Variants in SPTA1 observed in about 807,000 individuals in gnomAD.
SPTA1 encodes spectrin alpha, erythrocytic 1.
In SPTA1, 177 loss-of-function variants were observed where a neutral mutation model predicts 324.7. The observed-to-expected ratio is 0.55, with a 90% CI of 0.48 to 0.62. SPTA1 has a LOEUF of 0.62. Ranked by LOEUF, SPTA1 falls within the 20% of genes least tolerant of loss-of-function variation. SPTA1 has a pLI of 0.00. For missense variants in SPTA1, 3,162 were observed against 2,883.6 expected, an observed-to-expected ratio of 1.10 and a Z score of -2.21; for synonymous variants, 1,195 against 1,041.3, an observed-to-expected ratio of 1.15 and a Z score of -2.84.
In SPTA1 at chr1:158,639,754, GCTATGTCCC is replaced by G. The variant is rs1220404712; in HGVS notation, c.4876-77_4876-69del. On this transcript the variant is annotated intron_variant, in intron 34 of 51. Coordinates refer to ENST00000643759, the MANE Select transcript of SPTA1 (RefSeq NM_003126.4). ...GCCTTTAAGGAGAATAAGATCAGCA[GCTATGTCCC>G]CAAACTTTTCCCAGGAAAATTCAAG... is the stretch of plus-strand genomic sequence containing the variant. The G allele has an allele frequency of 1.9e-6, 3 of 1,611,132 alleles. No homozygotes were observed. In the Admixed American group the frequency reaches 5.0e-5, roughly 27 times the overall value.
At chr1:158,654,131 A>G (rs577567193) in intron 21 of SPTA1, among the ~76,000 whole-genome samples, 77 of 152,336 alleles carry the variant, frequency 5.1e-4, no homozygotes, top group African/African-American at 1.5e-3. Context: ...TATGAAAAAT[A>G]TATTTAAAAA....
intron 39 of SPTA1, 29 bp from the exon 40 acceptor site, chr1:158,627,752 A>G (rs1650372881): frequency 6.2e-7 from 1 of 1,600,572 alleles, no homozygotes; most frequent in Admixed American, 1.7e-5. Context: ...GAGAATTAAG[A>G]TATCCAAAGC....
chr1:158,641,574 G>T (rs1195023849), intron 33 of SPTA1, among the ~76,000 whole-genome samples: 1 of 152,150 alleles, frequency 6.6e-6, no homozygotes, highest in East Asian at 1.9e-4. Flanking sequence ...CATCATCACT[G>T]GTCATCAGAG....
intron 44 of SPTA1, among the ~76,000 whole-genome samples, 175 bp from the exon 45 acceptor site, chr1:158,619,509 T>C (rs1356224137): frequency 2.0e-5 from 3 of 152,190 alleles, no homozygotes; most frequent in African/African-American, 7.2e-5. Flanking sequence ...ACCTCTAAAA[T>C]GTAAAGATAG....
chr1:158,638,455 A>G (rs1434162574), intron 35 of SPTA1, among the ~76,000 whole-genome samples: 8 of 152,126 alleles, frequency 5.3e-5, no homozygotes, highest in African/African-American at 1.9e-4. Flanking sequence ...CATTACTCAA[A>G]CTGTACATTT....
At position 158,642,824 on chromosome 1, in the gene SPTA1, G is replaced by C. The variant is rs756379601; in HGVS notation, c.4595C>G (p.Thr1532Ser). 3.1e-6 allele frequency: 5 copies of C among 1,613,892 alleles called. No individual in the cohort carries two copies. Among genetic ancestry groups the C allele is most frequent in the Admixed American group, 3.3e-5 (2 of 59,986 alleles). The stretch of plus-strand genomic sequence containing the variant: ...CTATTTTGAACTTGCCTGAATGTTA[G>C]TGGCGTCTTTGTAGGATTCATCACA... The part of the protein sequence containing the change: ...TACDESYKDA[T>S]NIQRKYLKHQ... Residue 1532 changes from threonine (T) to serine (S), a missense_variant, in exon 32 of 52, where the codon ACT becomes AGT. Transcript: ENST00000643759.
In SPTA1 at chr1:158,656,544, C is replaced by A; in HGVS notation, c.2898+20G>T. 2 of 1,603,136 alleles carry A rather than the reference C, an allele frequency of 1.2e-6. No individual in the cohort carries two copies. The highest frequency in any genetic ancestry group is 1.7e-6 in the Non-Finnish European group (2 of 1,170,566). On this transcript the variant is annotated intron_variant, in intron 20 of 51. Coordinates refer to ENST00000643759, the MANE Select transcript of SPTA1 (RefSeq NM_003126.4). ...TTGTGGTGGGAAGTGTGAATCCTGT[C>A]ATCGCTAAGTTAGTCTTACCTGGCA... is the stretch of plus-strand genomic sequence containing the variant.
chr1:158,645,488 G>C lies in SPTA1; in HGVS notation c.3996+7C>G, dbSNP rs754662601. On this transcript the variant is annotated splice_region_variant and intron_variant, in intron 28 of 51. Coordinates refer to ENST00000643759, the MANE Select transcript of SPTA1 (RefSeq NM_003126.4). ...GTGATCAGTGGCTGTGACTTTTGTA[G>C]TTTTACCTGATGTCTCTCCAGCAAG... is the stretch of plus-strand genomic sequence containing the variant. 1 of 1,613,788 alleles carries C rather than the reference G, an allele frequency of 6.2e-7. No homozygotes were observed. The highest frequency in any genetic ancestry group is 2.2e-5 in the East Asian group (1 of 44,882).
chr1:158,645,685 A>C (rs765128941), intron 27 of SPTA1, 91 bp from the exon 28 acceptor site: 32 of 1,358,870 alleles, frequency 2.4e-5, no homozygotes, highest in Non-Finnish European at 3.4e-5. Context: ...TCTAGAAAAC[A>C]TTTCCAGAAT....
At chr1:158,659,918 G>A (rs545686650) in intron 18 of SPTA1, among the ~76,000 whole-genome samples, 1 of 151,890 alleles carries the variant, frequency 6.6e-6, no homozygotes, top group Non-Finnish European at 1.5e-5. Flanking sequence ...CCTAGTCTTA[G>A]CATTATTATG....
Position 158,611,148 on chromosome 1 carries a change from C to CACACAT in SPTA1, c.*115_*116insATGTGT. On this transcript the variant is annotated 3_prime_UTR_variant, in exon 52 of 52. Transcript: ENST00000643759. ...AAACACAAGCACACACACACACACA[C>CACACAT]ACACACACACACACACACGAGGCCA... 7.9e-7 allele frequency: 1 copy of CACACAT among 1,259,202 alleles called. No individual in the cohort carries two copies. Among genetic ancestry groups the CACACAT allele is most frequent in the Non-Finnish European group, 1.1e-6 (1 of 871,216 alleles). 78.0% of individuals were successfully genotyped at this position (1,259,202 alleles called of 1,614,324 possible).
At chr1:158,624,403 C>T (rs1383430594) in intron 42 of SPTA1, among the ~76,000 whole-genome samples, 1 of 152,200 alleles carries the variant, frequency 6.6e-6, no homozygotes, top group African/African-American at 2.4e-5. Flanking sequence ...GGAGCCCACC[C>T]CTTGCATCAG....
intron 18 of SPTA1, among the ~76,000 whole-genome samples, chr1:158,657,985 T>C (rs1349524005): frequency 6.6e-6 from 1 of 152,124 alleles, no homozygotes; most frequent in Non-Finnish European, 1.5e-5. Context: ...TCCAAAATCA[T>C]GTCTTCTTTA....
chr1:158,677,892 G>C, intron 6 of SPTA1, 58 bp from the exon 7 acceptor site: 1 of 1,608,136 alleles, frequency 6.2e-7, no homozygotes, highest in Non-Finnish European at 8.5e-7. Context: ...CAGGGCAAAC[G>C]GTCCAACAGA....
intron 29 of SPTA1, among the ~76,000 whole-genome samples, 157 bp from the exon 30 acceptor site, chr1:158,644,553 C>A (rs1220654446): frequency 6.6e-6 from 1 of 152,216 alleles, no homozygotes; most frequent in East Asian, 1.9e-4. Flanking sequence ...TGTACTGGAA[C>A]TTTTCCTCTT....
intron 39 of SPTA1, among the ~76,000 whole-genome samples, chr1:158,629,187 CTCTATCTATCTATCTA>C (rs71084281): frequency 2.0e-5 from 3 of 148,132 alleles, no homozygotes; most frequent in South Asian, 2.2e-4. Context: ...CAAAATATAT[CTCTATCTATCTATCTA>C]TCTATCTATC....
chr1:158,615,841 T>C (rs1433550803), intron 47 of SPTA1, among the ~76,000 whole-genome samples: 2 of 152,180 alleles, frequency 1.3e-5, no homozygotes, highest in Non-Finnish European at 2.9e-5. Flanking sequence ...ACACTGATTG[T>C]GGCTGAGCTC....
At chr1:158,654,019 T>C (rs1652650882) in intron 21 of SPTA1, among the ~76,000 whole-genome samples, 1 of 152,248 alleles carries the variant, frequency 6.6e-6, no homozygotes, top group Non-Finnish European at 1.5e-5. Context: ...TCCAAACATT[T>C]ACTTGTCTTT....
Position 158,662,779 on chromosome 1 carries a change from T to C in SPTA1, c.2387A>G (p.Gln796Arg). Reference sequence around the variant, plus strand: ...ATCCTCTGTGTCTCTACAAATCAGCTGCAGATGGAGAAGGTCTAAGAGCTT... The same window carrying C: ...ATCCTCTGTGTCTCTACAAATCAGCCGCAGATGGAGAAGGTCTAAGAGCTT... The part of the protein sequence containing the change: ...KKKLLDLLHL[Q>R]LICRDTEDEE... Residue 796 changes from glutamine (Q) to arginine (R), a missense_variant, in exon 17 of 52, where the codon CAG (glutamine) becomes CGG (arginine). Transcript: ENST00000643759. The C allele has an allele frequency of 6.2e-7, 1 of 1,614,078 alleles. No homozygotes were observed. The highest frequency in any genetic ancestry group is 1.3e-5 in the African/African-American group (1 of 75,028).
Sources: gnomAD v4.1 joint callset for allele counts (sites outside exome capture counted in the v4.1 genomes callset) on GRCh38, gnomAD v4.1.1 for gene constraint, MANE v1.5 for transcripts, NCBI Gene and HGNC (gene_info 2026-07-23, HGNC 2026-07-21) for gene names.